CLCN1: variants seen among roughly 807,000 people sequenced by gnomAD.
CLCN1 encodes the protein chloride channel protein 1.
Under a neutral mutation model 114.5 loss-of-function variants are expected in CLCN1, and 100 were observed. That is an observed-to-expected ratio of 0.87 (90% CI 0.74 to 1.03). The LOEUF is 1.03. Ranked by LOEUF, CLCN1 falls within the 50% of genes least tolerant of loss-of-function variation. The probability of loss-of-function intolerance (pLI) is 0.00; values close to 1 mark genes in which losing one functional copy is unlikely to be tolerated. For synonymous variants in CLCN1, 485 were observed against 487.1 expected, an observed-to-expected ratio of 1.00 and a Z score of 0.06; for missense variants, 1,188 against 1,250.0, an observed-to-expected ratio of 0.95 and a Z score of 0.75.
intron 20 of CLCN1, among the ~76,000 whole-genome samples, chr7:143,347,930 C>T (rs945895818): frequency 6.6e-6 from 1 of 152,020 alleles, no homozygotes; most frequent in East Asian, 1.9e-4. Flanking sequence ...CAGAACATAC[C>T]GAGGGGTTGT....
chr7:143,330,721 G>A, intron 7 of CLCN1, 51 bp from the exon 8 acceptor site: 1 of 1,612,558 alleles, frequency 6.2e-7, no homozygotes. Flanking sequence ...GGAGTGTGGG[G>A]GAGCACTTTC....
intron 5 of CLCN1, among the ~76,000 whole-genome samples, chr7:143,322,476 A>G (rs1802467612): frequency 6.6e-6 from 1 of 152,220 alleles, no homozygotes; most frequent in South Asian, 2.1e-4. Flanking sequence ...ACCCCTGGTC[A>G]AAAACTTCTT....
Position 143,345,629 on chromosome 7 carries a change from AGTT to A in CLCN1, c.2042_2044del (p.Leu681del), listed in dbSNP as rs1415415833. 6.4e-7 allele frequency: 1 copy of A among 1,562,184 alleles called. No individual in the cohort carries two copies. Among genetic ancestry groups the A allele is most frequent in the South Asian group, 1.2e-5 (1 of 84,912 alleles). ...CGCGCAGCCCAAGAGATGGCGCGGAAGTTGTCGGAGCTGCCTTACGACGGGAAG... is the reference window on the plus strand; with the variant it reads ...CGCGCAGCCCAAGAGATGGCGCGGAAGTCGGAGCTGCCTTACGACGGGAAG... On this transcript the variant is annotated inframe_deletion, in exon 17 of 23. Transcript: ENST00000343257.
intron 7 of CLCN1, among the ~76,000 whole-genome samples, chr7:143,329,603 G>A (rs1802668721): frequency 6.6e-6 from 1 of 152,198 alleles, no homozygotes; most frequent in Admixed American, 6.5e-5. Flanking sequence ...TTTGAATATA[G>A]CACAGGGAGA....
At position 143,350,976 on chromosome 7, in the gene CLCN1, C is replaced by T. The variant is rs1255451577; in HGVS notation, c.2595+322C>T. Among the ~76,000 whole-genome samples, 2 of 152,110 alleles carry T rather than the reference C, an allele frequency of 1.3e-5. No homozygotes were observed. Among genetic ancestry groups the T allele is most frequent in the African/African-American group, 4.8e-5 (2 of 41,408 alleles). On this transcript the variant is annotated intron_variant, in intron 22 of 22. Transcript: ENST00000343257. The surrounding 1 kb of genome is among the most constrained non-coding windows in gnomAD (Gnocchi z 5.1). ...TATTTTTAGTAGAGACGGGGTTTTGCCATGTTGGGCAGGCTAGTCTCAAAC... is the reference window on the plus strand; with the variant it reads ...TATTTTTAGTAGAGACGGGGTTTTGTCATGTTGGGCAGGCTAGTCTCAAAC...
intron 10 of CLCN1, among the ~76,000 whole-genome samples, 189 bp from the exon 11 acceptor site, chr7:143,332,230 C>T (rs1315261517): frequency 6.6e-6 from 1 of 152,138 alleles, no homozygotes; most frequent in Non-Finnish European, 1.5e-5. Context: ...TCCCAAAGTG[C>T]CCCATGGGAT....
At chr7:143,320,559 C>A in intron 2 of CLCN1, 105 bp from the exon 3 acceptor site, 8 of 610,364 alleles carry the variant, frequency 1.3e-5, no homozygotes, top group Admixed American at 5.4e-5. Context: ...GCTTTTCTCT[C>A]TCTCTCTCTC....
At position 143,351,917 on chromosome 7, in the gene CLCN1, C is replaced by T. The variant is rs1268064174; in HGVS notation, c.2919C>T (p.Pro973=). The change falls in exon 23 of 23, where the codon CCC becomes CCT. Residue 973 remains proline, a synonymous_variant. Transcript: ENST00000343257. ...EEELADILQG[P]SLRSTDEEDE... Reference sequence around the variant, plus strand: ...AGCTGGCCGACATCTTGCAGGGCCCCAGCCTGCGATCCACAGACGAGGAGG... The same window carrying T: ...AGCTGGCCGACATCTTGCAGGGCCCTAGCCTGCGATCCACAGACGAGGAGG... The T allele has an allele frequency of 6.2e-7, 1 of 1,613,798 alleles. No individual in the cohort carries two copies. Among genetic ancestry groups the T allele is most frequent in the Non-Finnish European group, 8.5e-7 (1 of 1,180,028 alleles).
rs1485405576 is a variant in CLCN1 at position 143,331,164 on chromosome 7, C to T, written c.980-68C>T. On this transcript the variant is annotated intron_variant, in intron 8 of 22. Coordinates refer to ENST00000343257, the MANE Select transcript of CLCN1 (RefSeq NM_000083.3). Reference sequence around the variant, plus strand: ...AGGAAGGAATTAATCCTGAAAACTGCCCACCTCTGTTTCCCTGTTGGGTTT... The same window carrying T: ...AGGAAGGAATTAATCCTGAAAACTGTCCACCTCTGTTTCCCTGTTGGGTTT... The T allele has an allele frequency of 4.1e-6, 5 of 1,220,572 alleles. No homozygotes were observed. The African/African-American group carries it at 7.4e-5, about 18-fold the overall frequency. The allele number at this position is 1,220,572 out of a possible 1,614,324, so 75.6% of individuals were successfully genotyped here.
chr7:143,352,012 G>T lies in CLCN1; in HGVS notation c.*47G>T. On this transcript the variant is annotated 3_prime_UTR_variant, in exon 23 of 23. Transcript: ENST00000343257. Reference sequence around the variant, plus strand: ...TAAAGACCGTGGAGAGGCCCAGCCTGAGGGTGAACTTGTGTGGGGCAGGGT... The same window carrying T: ...TAAAGACCGTGGAGAGGCCCAGCCTTAGGGTGAACTTGTGTGGGGCAGGGT... The T allele has an allele frequency of 6.2e-7, 1 of 1,611,906 alleles. No homozygotes were observed. The highest frequency in any genetic ancestry group is 8.5e-7 in the Non-Finnish European group (1 of 1,179,808).
intron 7 of CLCN1, among the ~76,000 whole-genome samples, chr7:143,326,488 G>A (rs1336867357): frequency 6.6e-6 from 1 of 152,140 alleles, no homozygotes; most frequent in Non-Finnish European, 1.5e-5. Context: ...TTGAGAGGCT[G>A]GACAGGCAGG....
intron 5 of CLCN1, among the ~76,000 whole-genome samples, chr7:143,323,073 C>G (rs959321867): frequency 1.3e-5 from 2 of 152,174 alleles, no homozygotes; most frequent in African/African-American, 4.8e-5. Flanking sequence ...GCCCTTTCCT[C>G]TAAACACGTG....
chr7:143,324,542 C>G lies in CLCN1; in HGVS notation c.853+50C>G. The G allele has an allele frequency of 1.4e-6, 2 of 1,414,510 alleles. No individual in the cohort carries two copies. The highest frequency in any genetic ancestry group is 1.8e-4 in the Middle Eastern group (1 of 5,500). 87.6% of individuals were successfully genotyped at this position (1,414,510 alleles called of 1,614,324 possible). ...TCAATCGGCTTGCCTGGCCTGGCTC[C>G]CAAAACAGTTTTAATCAGTATCCAC... On this transcript the variant is annotated intron_variant, in intron 7 of 22. Transcript: ENST00000343257. This position sits in a 1 kb window ranked among gnomAD's most constrained non-coding sequence, Gnocchi z 4.6.
Position 143,316,327 on chromosome 7 carries a change from A to G in CLCN1, c.115A>G (p.Asn39Asp). The change falls in exon 1 of 23, where the codon AAT becomes GAT. Residue 39 changes from asparagine (N) to aspartate (D), a missense_variant. Coordinates refer to ENST00000343257, the MANE Select transcript of CLCN1 (RefSeq NM_000083.3). ...CACCAGCTACGGACTGCCCTCTGAG[A>G]ATGGGGGCCTCCAGCACAGGCTCCG... ...HCTSYGLPSE[N>D]GGLQHRLRKD... 6.2e-7 allele frequency: 1 copy of G among 1,613,294 alleles called. No individual in the cohort carries two copies. The highest frequency in any genetic ancestry group is 8.5e-7 in the Non-Finnish European group (1 of 1,179,964).
chr7:143,320,872 G>A (rs1802411424), intron 3 of CLCN1, 77 bp downstream of exon 3: 5 of 1,544,446 alleles, frequency 3.2e-6, no homozygotes, highest in Non-Finnish European at 4.5e-6. Flanking sequence ...GTTATCGGAA[G>A]CGAATGTTAA....
Position 143,324,151 on chromosome 7 carries a change from C to T in CLCN1, c.775-263C>T, listed in dbSNP as rs940391334. 2.0e-5 allele frequency among the ~76,000 whole-genome samples: 3 copies of T among 152,306 alleles called. No homozygotes were observed. In the East Asian group the frequency reaches 5.8e-4, roughly 29 times the overall value. ...TTTCTGCTTATCATTTATTGATTTACGTGCCTGGCATATATTTGCCTAACT... is the reference window on the plus strand; with the variant it reads ...TTTCTGCTTATCATTTATTGATTTATGTGCCTGGCATATATTTGCCTAACT... On this transcript the variant is annotated intron_variant, in intron 6 of 22. Transcript: ENST00000343257. This position sits in a 1 kb window ranked among gnomAD's most constrained non-coding sequence, Gnocchi z 4.6.
intron 6 of CLCN1, chr7:143,323,775 C>T (rs554685663): frequency 3.5e-5 from 17 of 480,792 alleles, no homozygotes; most frequent in Admixed American, 3.3e-4. Flanking sequence ...GTCCCGCCTG[C>T]CCCACCCCTC....
At position 143,324,722 on chromosome 7, in the gene CLCN1, A is replaced by G. The variant is rs1044060871; in HGVS notation, c.853+230A>G. On this transcript the variant is annotated intron_variant, in intron 7 of 22. Transcript: ENST00000343257. This position sits in a 1 kb window ranked among gnomAD's most constrained non-coding sequence, Gnocchi z 4.6. ...GAGGAAGAGGAGAGAACTGAGTTAC[A>G]GAGAGGGACAGTGACTTGAGCAAGT... is the stretch of plus-strand genomic sequence containing the variant. Among the ~76,000 whole-genome samples the G allele has an allele frequency of 6.6e-6, 1 of 152,238 alleles. No individual in the cohort carries two copies. Among genetic ancestry groups the G allele is most frequent in the African/African-American group, 2.4e-5 (1 of 41,468 alleles).
chr7:143,336,738 G>A (rs1415787466), intron 12 of CLCN1, among the ~76,000 whole-genome samples: 1 of 151,832 alleles, frequency 6.6e-6, no homozygotes, highest in Non-Finnish European at 1.5e-5. Flanking sequence ...TTTCTTTCAC[G>A]TGCCAATAGC....
Sources: allele counts gnomAD v4.1 joint callset (sites outside exome capture counted in the v4.1 genomes callset), GRCh38; gene constraint gnomAD v4.1.1; non-coding constraint Gnocchi (gnomAD v3.1); transcripts MANE v1.5; gene names NCBI Gene and HGNC (gene_info 2026-07-23, HGNC 2026-07-21).